Variants in BMPR2 observed in about 807,000 individuals in gnomAD.
BMPR2 encodes the protein bone morphogenetic protein receptor type-2.
A neutral mutation model predicts 100.8 loss-of-function variants in BMPR2; 29 were observed. The observed-to-expected ratio is 0.29, with a 90% CI of 0.21 to 0.39. The LOEUF (loss-of-function observed/expected upper bound fraction) is 0.39, where lower values mean the gene tolerates loss of function less well. Ranked by LOEUF, BMPR2 falls within the 10% of genes least tolerant of loss-of-function variation. The pLI is 1.00. For missense variants in BMPR2, 1,011 were observed against 1,274.5 expected (o/e 0.79, Z 3.15); for synonymous variants, 382 against 442.3 (o/e 0.86, Z 1.71).
intron 7 of BMPR2, among the ~76,000 whole-genome samples, chr2:202,525,109 TTTTG>T (rs1407360970): frequency 6.6e-6 from 1 of 152,232 alleles, no homozygotes; most frequent in Non-Finnish European, 1.5e-5. Flanking sequence ...CTTGTATTAA[TTTTG>T]TTTAAGTGAA....
chr2:202,425,028 G>A (rs1188167990), intron 1 of BMPR2, among the ~76,000 whole-genome samples: 1 of 151,576 alleles, frequency 6.6e-6, no homozygotes, highest in Non-Finnish European at 1.5e-5. Context: ...GTGCAATCTC[G>A]GCTCACTGCA....
chr2:202,468,908 T>C (rs1005805943), intron 3 of BMPR2, among the ~76,000 whole-genome samples: 2 of 151,966 alleles, frequency 1.3e-5, no homozygotes, highest in Non-Finnish European at 2.9e-5. Context: ...AAAGAATAAA[T>C]AGAAAATAAT....
chr2:202,465,886 C>T (rs991533144), intron 2 of BMPR2, among the ~76,000 whole-genome samples: 24 of 152,068 alleles, frequency 1.6e-4, no homozygotes, highest in Admixed American at 7.9e-4. Context: ...ACTGTATAAA[C>T]AATTTCATAT....
chr2:202,389,886 C>T (rs962728760), intron 1 of BMPR2, among the ~76,000 whole-genome samples: 1 of 151,654 alleles, frequency 6.6e-6, no homozygotes, highest in African/African-American at 2.4e-5. Flanking sequence ...GTGATCCGCC[C>T]GCCTCAGCCT....
chr2:202,501,825 T>C (rs1687402091), intron 3 of BMPR2, among the ~76,000 whole-genome samples: 1 of 152,214 alleles, frequency 6.6e-6, no homozygotes, highest in African/African-American at 2.4e-5. Context: ...CCTGCCACTT[T>C]TCTCCCAGAG....
intron 3 of BMPR2, among the ~76,000 whole-genome samples, chr2:202,496,550 C>T (rs967583549): frequency 2.0e-5 from 3 of 152,160 alleles, no homozygotes; most frequent in Admixed American, 6.5e-5. Flanking sequence ...AAAACTTGTT[C>T]ACTGAAATGT....
At position 202,518,947 on chromosome 2, in the gene BMPR2, G is replaced by T. The variant is rs1687770932; in HGVS notation, c.747G>T (p.Val249=). The change falls in exon 6 of 13, where the codon GTG becomes GTT. Residue 249 remains valine (V), a synonymous_variant. Transcript: ENST00000374580. ...NFINEKNIYR[V]PLMEHDNIAR... is the part of the protein sequence containing the mutation. ...TCAACGAAAAGAACATTTACAGAGT[G>T]CCTTTGATGGAACATGACAACATTG... 1 of 1,614,192 alleles carries T rather than the reference G, an allele frequency of 6.2e-7. No individual in the cohort carries two copies. Among genetic ancestry groups the T allele is most frequent in the Middle Eastern group, 1.6e-4 (1 of 6,062 alleles).
rs568807752 is a variant in BMPR2, at chr2:202,397,303, A to G, written c.76+19753A>G. The stretch of plus-strand genomic sequence containing the variant: ...TATAGTGATTGTAAAACTAACCCCA[A>G]TTTCAGAAATGTTGCGATGTGCAGT... On this transcript the variant is annotated intron_variant, in intron 1 of 12. Coordinates refer to ENST00000374580, the MANE Select transcript of BMPR2 (RefSeq NM_001204.7). Among the ~76,000 whole-genome samples the G allele has an allele frequency of 9.3e-4, 141 of 152,268 alleles. 1 individual carries two copies. Among genetic ancestry groups the G allele is most frequent in the African/African-American group, 3.2e-3 (133 of 41,574 alleles).
chr2:202,481,005 G>T (rs1371838189), intron 3 of BMPR2, among the ~76,000 whole-genome samples: 1 of 146,508 alleles, frequency 6.8e-6, no homozygotes, highest in Non-Finnish European at 1.5e-5. Flanking sequence ...GTGCAAAGGT[G>T]TATTTCTGAA....
In BMPR2 at chr2:202,565,056, A is replaced by T. The variant is rs578066038; in HGVS notation, c.*5110A>T. Reference sequence around the variant, plus strand: ...AGAGTGAGACTCCATCTCAAAAAAAAACAAAAAAAATCACCTCATAGTTTA... The same window carrying T: ...AGAGTGAGACTCCATCTCAAAAAAATACAAAAAAAATCACCTCATAGTTTA... On this transcript the variant is annotated 3_prime_UTR_variant, in exon 13 of 13. Transcript: ENST00000374580. The T allele has an allele frequency of 6.6e-6, 1 of 152,326 alleles. No individual in the cohort carries two copies. Among genetic ancestry groups the T allele is most frequent in the African/African-American group, 2.4e-5 (1 of 41,560 alleles). 9.4% of individuals were successfully genotyped at this position (152,326 alleles called of 1,614,324 possible).
rs1243180415 is a variant in BMPR2 at position 202,499,942 on chromosome 2, G to A, written c.419-13777G>A. 3.3e-5 allele frequency among the ~76,000 whole-genome samples: 5 copies of A among 152,152 alleles called. No individual in the cohort carries two copies. The South Asian group carries it at 6.2e-4, about 19-fold the overall frequency. On this transcript the variant is annotated intron_variant, in intron 3 of 12. Coordinates refer to ENST00000374580, the MANE Select transcript of BMPR2 (RefSeq NM_001204.7). ...TCTTGTTATCAGTATGGTTTACTAG[G>A]ACACTTTAAAAAAGATTGTCCAATG...
At chr2:202,447,506 A>G (rs1691875725) in intron 1 of BMPR2, among the ~76,000 whole-genome samples, 2 of 150,436 alleles carry the variant, frequency 1.3e-5, no homozygotes, top group Admixed American at 1.3e-4. Flanking sequence ...GCGAGACCCC[A>G]TCTCTACAAA....
intron 3 of BMPR2, among the ~76,000 whole-genome samples, chr2:202,469,934 A>C (rs546772822): frequency 1.6e-4 from 24 of 152,328 alleles, no homozygotes; most frequent in African/African-American, 5.8e-4. Context: ...GCAAGACGTG[A>C]TATAAAGGAT....
chr2:202,494,753 A>T (rs1266433562), intron 3 of BMPR2, among the ~76,000 whole-genome samples: 3 of 152,252 alleles, frequency 2.0e-5, no homozygotes, highest in African/African-American at 7.2e-5. Context: ...AACAAAAAAT[A>T]GGAGTTTTCT....
chr2:202,550,817 A>G (rs1189330817), intron 10 of BMPR2, among the ~76,000 whole-genome samples: 1 of 152,140 alleles, frequency 6.6e-6, no homozygotes, highest in Non-Finnish European at 1.5e-5. Flanking sequence ...TTTTGTTTTT[A>G]AAAAGGAGTT....
intron 1 of BMPR2, among the ~76,000 whole-genome samples, chr2:202,435,372 A>C (rs1691593162): frequency 3.3e-5 from 2 of 59,968 alleles, no homozygotes; most frequent in Admixed American, 3.8e-4. Flanking sequence ...TCAAAAAAAA[A>C]ATACATATAT....
At chr2:202,466,126 T>A (rs2105960933) in intron 2 of BMPR2, among the ~76,000 whole-genome samples, 1 of 152,296 alleles carries the variant, frequency 6.6e-6, no homozygotes, top group Non-Finnish European at 1.5e-5. Flanking sequence ...ATGTGATTGT[T>A]TCTTGAAATA....
intron 3 of BMPR2, among the ~76,000 whole-genome samples, chr2:202,479,485 G>A (rs1318934727): frequency 2.0e-5 from 3 of 151,304 alleles, no homozygotes. Context: ...GAGCAGTTTA[G>A]GTTGATAGCA....
chr2:202,414,623 A>T (rs1691085096), intron 1 of BMPR2, among the ~76,000 whole-genome samples: 1 of 152,240 alleles, frequency 6.6e-6, no homozygotes. Context: ...AATGATAAGA[A>T]AATTAAACAG....
Sources: gnomAD v4.1 joint callset for allele counts (sites outside exome capture counted in the v4.1 genomes callset) on GRCh38, gnomAD v4.1.1 for gene constraint, MANE v1.5 for transcripts, NCBI Gene and HGNC (gene_info 2026-07-23, HGNC 2026-07-21) for gene names.